The following COQ8B variants were observed in gnomAD, a reference collection of about 807,000 sequenced individuals.
COQ8B encodes the protein atypical kinase COQ8B, mitochondrial.
A neutral mutation model predicts 62.0 loss-of-function variants in COQ8B; 44 were observed. The observed-to-expected ratio is 0.71, with a 90% CI of 0.56 to 0.91. COQ8B has a LOEUF of 0.91. Among genes scored for constraint, COQ8B ranks in the 40% least tolerant of loss-of-function variants. The pLI, the probability that COQ8B is intolerant of heterozygous loss-of-function variation, is 0.00. For missense variants in COQ8B, 649 were observed against 731.6 expected (o/e 0.89, Z 1.30); for synonymous variants, 252 against 289.9 (o/e 0.87, Z 1.33).
chr19:40,698,930 C>G (rs1374883203), intron 12 of COQ8B, among the ~76,000 whole-genome samples: 2 of 152,068 alleles, frequency 1.3e-5, no homozygotes, highest in African/African-American at 4.8e-5. Context: ...TTGTACACCC[C>G]CTGCCCTCTG....
intron 1 of COQ8B, chr19:40,715,581 C>T: frequency 1.0e-6 from 1 of 985,494 alleles, no homozygotes; most frequent in Non-Finnish European, 1.2e-6. Context: ...CATATAAATC[C>T]CTTGCCTTGC....
intron 1 of COQ8B, chr19:40,715,348 G>A: frequency 1.0e-6 from 1 of 985,622 alleles, no homozygotes; most frequent in South Asian, 4.7e-5. Flanking sequence ...GTACGCGACA[G>A]ACCCTTCTGT....
chr19:40,712,012 T>C (rs1039304961), intron 4 of COQ8B, among the ~76,000 whole-genome samples: 1 of 151,926 alleles, frequency 6.6e-6, no homozygotes, highest in Non-Finnish European at 1.5e-5. Flanking sequence ...AATCTATCTA[T>C]GTATATATAT....
At chr19:40,695,838 A>T in intron 13 of COQ8B, 151 bp downstream of exon 13, 1 of 764,760 alleles carries the variant, frequency 1.3e-6, no homozygotes, top group Non-Finnish European at 2.2e-6. Flanking sequence ...CTGACATATT[A>T]AGTGCTTGGT....
intron 9 of COQ8B, 67 bp downstream of exon 9, chr19:40,703,474 C>G: frequency 1.3e-6 from 2 of 1,481,836 alleles, no homozygotes; most frequent in Non-Finnish European, 9.0e-7. Flanking sequence ...TGGGCTCCCC[C>G]TCCTGCTTTC....
chr19:40,707,849 C>T (rs962112603), intron 5 of COQ8B, among the ~76,000 whole-genome samples: 2 of 152,180 alleles, frequency 1.3e-5, no homozygotes, highest in Non-Finnish European at 2.9e-5. Flanking sequence ...ATGCCTATCA[C>T]ATTTTATTCA....
rs145961802 is a variant in COQ8B, at chr19:40,714,535, C to T, written c.98G>A (p.Arg33His). 45 of 1,613,752 alleles carry T rather than the reference C, an allele frequency of 2.8e-5. No individual in the cohort carries two copies. The highest frequency in any genetic ancestry group is 3.3e-4 in the Middle Eastern group (2 of 6,062). Residue 33 changes from arginine to histidine, a missense_variant, in exon 2 of 15, where the codon CGC becomes CAC. Transcript: ENST00000324464. ...PCGALGPGPH[R>H]WGPCGGSWAQ... is the part of the protein sequence containing the mutation. The stretch of plus-strand genomic sequence containing the variant: ...ACCTGCTCCCTAGCCTCTTACCCAG[C>T]GGTGGGGCCCAGGCCCCAGGGCCCC...
At position 40,700,142 on chromosome 19, in the gene COQ8B, C is replaced by G; in HGVS notation, c.1068G>C (p.Arg356=). The G allele has an allele frequency of 6.2e-7, 1 of 1,614,246 alleles. No homozygotes were observed. Among genetic ancestry groups the G allele is most frequent in the Non-Finnish European group, 8.5e-7 (1 of 1,180,038 alleles). The change falls in exon 12 of 15, where the codon CGG becomes CGC. Residue 356 remains arginine (R), a synonymous_variant. Transcript: ENST00000324464. ...GCATGAATCGGAACTCAAACAGCTC[C>G]CGCAGACACAGCGTCAGGAGCTGGA... is the stretch of plus-strand genomic sequence containing the variant. ...ICFQLLTLCL[R]ELFEFRFMQT... is the part of the protein sequence containing the mutation.
chr19:40,709,477 G>A (rs573089297), intron 5 of COQ8B, among the ~76,000 whole-genome samples: 44 of 152,172 alleles, frequency 2.9e-4, no homozygotes, highest in African/African-American at 1.1e-3. Context: ...ACAGACCCTC[G>A]CTGGCACTTC....
chr19:40,702,552 C>A (rs377061017), intron 10 of COQ8B, 48 bp downstream of exon 10: 78 of 1,594,016 alleles, frequency 4.9e-5, no homozygotes, highest in Non-Finnish European at 6.7e-5. Context: ...TACTTCCCAC[C>A]CAGCCTGGGA....
chr19:40,693,015 C>T lies in COQ8B; in HGVS notation c.1232G>A (p.Gly411Glu). 1 of 1,613,986 alleles carries T rather than the reference C, an allele frequency of 6.2e-7. No individual in the cohort carries two copies. Among genetic ancestry groups the T allele is most frequent in the Non-Finnish European group, 8.5e-7 (1 of 1,179,900 alleles). Residue 411 changes from glycine (G) to glutamate (E), a missense_variant, in exon 14 of 15, where the codon GGA becomes GAA. Physicochemically the swap from Gly to Glu is moderately conservative, Grantham distance 98 (BLOSUM62 -2). Coordinates refer to ENST00000324464, the MANE Select transcript of COQ8B (RefSeq NM_024876.4). The part of the protein sequence containing the change: ...YIEVVKAAAD[G>E]DRDCVLQKSR... ...CTTCTGCAGGACACAGTCTCTGTCT[C>T]CATCAGCTGCAGCCTTCACCACCTG...
chr19:40,692,162 C>G lies in COQ8B; in HGVS notation c.1508G>C (p.Arg503Pro), dbSNP rs771280492. 1 of 1,597,276 alleles carries G rather than the reference C, an allele frequency of 6.3e-7. No individual in the cohort carries two copies. The highest frequency in any genetic ancestry group is 1.3e-5 in the African/African-American group (1 of 74,556). The change falls in exon 15 of 15, where the codon CGA becomes CCA. Residue 503 changes from arginine to proline, a missense_variant. Transcript: ENST00000324464. Reference sequence around the variant, plus strand: ...GAGGTCCCTGCAGGCGATGTGGGCTCGGAGGTGGGCACAGGCCAGGAAAGC... The same window carrying G: ...GAGGTCCCTGCAGGCGATGTGGGCTGGGAGGTGGGCACAGGCCAGGAAAGC... ...AGAFLACAHL[R>P]AHIACRDLFQ...
intron 14 of COQ8B, 85 bp downstream of exon 14, chr19:40,692,866 C>T (rs369694977): frequency 1.2e-5 from 14 of 1,208,880 alleles, no homozygotes; most frequent in Middle Eastern, 1.9e-4. Flanking sequence ...CCATCACCTA[C>T]TCGAGTTCCT....
intron 13 of COQ8B, 53 bp downstream of exon 13, chr19:40,695,936 A>G (rs1298510396): frequency 1.3e-6 from 2 of 1,567,746 alleles, no homozygotes; most frequent in African/African-American, 2.7e-5. Context: ...CTGCCTCAGT[A>G]TATGGCTTGA....
Position 40,692,151 on chromosome 19 carries a change from C to T in COQ8B, c.1519G>A (p.Ala507Thr), listed in dbSNP as rs199651767. The T allele has an allele frequency of 6.6e-5, 106 of 1,599,876 alleles. No individual in the cohort carries two copies. The East Asian group carries it at 1.9e-3, about 29-fold the overall frequency. Residue 507 changes from alanine to threonine, a missense_variant, in exon 15 of 15, where the codon GCC becomes ACC. Transcript: ENST00000324464. ...GTGTCCTGGAAGAGGTCCCTGCAGG[C>T]GATGTGGGCTCGGAGGTGGGCACAG... ...LACAHLRAHI[A>T]CRDLFQDTYH...
chr19:40,697,851 T>TATATATAGAGAGAGAGAGAGAGAG (rs1446181673), intron 12 of COQ8B, among the ~76,000 whole-genome samples: 7 of 54,728 alleles, frequency 1.3e-4, no homozygotes, highest in African/African-American at 2.9e-4. Context: ...TATATATATA[T>TATATATAGAGAGAGAGAGAGAGAG]AGAGAGAGAG....
chr19:40,712,755 C>T (rs981799861), intron 4 of COQ8B, among the ~76,000 whole-genome samples: 3 of 152,224 alleles, frequency 2.0e-5, no homozygotes, highest in African/African-American at 4.8e-5. Context: ...CTGGTTGCAA[C>T]CCACTAAATT....
At chr19:40,697,822 T>TATA (rs2082025880) in intron 12 of COQ8B, among the ~76,000 whole-genome samples, 5 of 79,126 alleles carry the variant, frequency 6.3e-5, no homozygotes, top group African/African-American at 1.2e-4. Flanking sequence ...ATAAATAAAA[T>TATA]TATATATATA....
At position 40,703,726 on chromosome 19, in the gene COQ8B, C is replaced by A. The variant is rs146225943; in HGVS notation, c.706G>T (p.Val236Leu). The change falls in exon 8 of 15, where the codon GTG (valine) becomes TTG (leucine). Residue 236 changes from valine to leucine, a missense_variant. Transcript: ENST00000324464. Reference sequence around the variant, plus strand: ...GCCTCCCCTCTCACCTGGATCTTCACGGCCACCTCCGTCCCGTCCCTCAGC... The same window carrying A: ...GCCTCCCCTCTCACCTGGATCTTCAAGGCCACCTCCGTCCCGTCCCTCAGC... ...GLLRDGTEVA[V>L]KIQYPGIAQS... 6.8e-6 allele frequency: 11 copies of A among 1,614,060 alleles called. No individual in the cohort carries two copies. Among genetic ancestry groups the A allele is most frequent in the Non-Finnish European group, 8.5e-6 (10 of 1,179,984 alleles).
Sources: allele counts gnomAD v4.1 joint callset (sites outside exome capture counted in the v4.1 genomes callset), GRCh38; gene constraint gnomAD v4.1.1; transcripts MANE v1.5; gene names NCBI Gene and HGNC (gene_info 2026-07-23, HGNC 2026-07-21).